The following SGCD variants were observed in gnomAD, a reference collection of about 807,000 sequenced individuals.
SGCD encodes sarcoglycan delta.
A neutral mutation model predicts 36.6 loss-of-function variants in SGCD; 18 were observed. The observed-to-expected ratio is 0.49, with a 90% CI of 0.34 to 0.73. The LOEUF (loss-of-function observed/expected upper bound fraction) is 0.73, where lower values mean the gene tolerates loss of function less well. SGCD is among the 30% of genes least tolerant of loss of function. SGCD has a pLI of 0.01. For synonymous variants in SGCD, 133 were observed against 130.6 expected, an observed-to-expected ratio of 1.02 and a Z score of -0.12; for missense variants, 387 against 346.7, an observed-to-expected ratio of 1.12 and a Z score of -0.92.
At chr5:156,303,878 A>G (rs556666310) in intron 3 of SGCD, among the ~76,000 whole-genome samples, 2 of 151,708 alleles carry the variant, frequency 1.3e-5, no homozygotes, top group South Asian at 4.2e-4. Flanking sequence ...TTTCTCCTCA[A>G]GCAGAAGGAA....
chr5:156,037,630 G>C (rs745572230), intron 1 of SGCD, among the ~76,000 whole-genome samples: 1 of 152,164 alleles, frequency 6.6e-6, no homozygotes, highest in East Asian at 1.9e-4. Context: ...TGATGGCTGT[G>C]ATTTAAATTC....
intron 3 of SGCD, among the ~76,000 whole-genome samples, chr5:156,354,112 A>G (rs1039380750): frequency 2.0e-5 from 3 of 152,258 alleles, no homozygotes; most frequent in African/African-American, 7.2e-5. Context: ...CTAGGGAAGA[A>G]AACACATGTA....
intron 3 of SGCD, among the ~76,000 whole-genome samples, chr5:156,185,931 C>T (rs1171241082): frequency 1.5e-5 from 2 of 136,156 alleles, no homozygotes; most frequent in East Asian, 2.0e-4. Flanking sequence ...CATAATTGCT[C>T]TGTTTCAGAA....
intron 6 of SGCD, among the ~76,000 whole-genome samples, chr5:156,622,030 ATT>A (rs1762270957): frequency 6.6e-6 from 1 of 152,192 alleles, no homozygotes; most frequent in African/African-American, 2.4e-5. Flanking sequence ...TGAAACCTGT[ATT>A]TTGGTTTTCT....
chr5:156,383,974 C>T (rs1162817830), intron 3 of SGCD, among the ~76,000 whole-genome samples: 1 of 152,154 alleles, frequency 6.6e-6, no homozygotes, highest in African/African-American at 2.4e-5. Flanking sequence ...AATGTCAAGT[C>T]TTCTCTCATG....
the SGCD span, among the ~76,000 whole-genome samples, chr5:155,823,141 G>T: frequency 6.6e-6 from 1 of 150,540 alleles, no homozygotes; most frequent in African/African-American, 2.5e-5. Flanking sequence ...TACCTAGCTA[G>T]CTATCTAAAA....
intron 3 of SGCD, among the ~76,000 whole-genome samples, chr5:156,406,827 C>T (rs112651634): frequency 0.13 from 10,712 of 83,852 alleles, 1,475 homozygotes; most frequent in African/African-American, 0.35. Flanking sequence ...TATACACACA[C>T]ACACACACAC....
intron 6 of SGCD, among the ~76,000 whole-genome samples, chr5:156,608,696 T>C (rs1224114768): frequency 6.6e-6 from 1 of 152,206 alleles, no homozygotes; most frequent in East Asian, 1.9e-4. Flanking sequence ...TTTGTAGGTC[T>C]CTAAGGACTT....
chr5:156,451,090 C>G (rs1280932475), intron 3 of SGCD, among the ~76,000 whole-genome samples: 2 of 151,376 alleles, frequency 1.3e-5, no homozygotes, highest in African/African-American at 4.9e-5. Flanking sequence ...CTCCCCTCCC[C>G]TCCCTTCCCT....
chr5:156,018,118 C>A (rs910829762), intron 1 of SGCD, among the ~76,000 whole-genome samples: 9 of 152,126 alleles, frequency 5.9e-5, no homozygotes, highest in Non-Finnish European at 1.3e-4. Context: ...CATAATTGCA[C>A]CACTGCAATC....
At chr5:156,120,547 T>C (rs571103247) in intron 2 of SGCD, among the ~76,000 whole-genome samples, 1 of 152,314 alleles carries the variant, frequency 6.6e-6, no homozygotes, top group Non-Finnish European at 1.5e-5. Flanking sequence ...ACAAAGTGCA[T>C]GGCAAAGATT....
intron 3 of SGCD, among the ~76,000 whole-genome samples, chr5:156,270,642 A>G (rs924835877): frequency 1.3e-5 from 2 of 152,276 alleles, no homozygotes; most frequent in South Asian, 2.1e-4. Context: ...TATGTTTTCT[A>G]TAGATAAGAC....
intron 5 of SGCD, among the ~76,000 whole-genome samples, chr5:156,590,343 A>G (rs1760678473): frequency 1.3e-5 from 2 of 152,250 alleles, no homozygotes; most frequent in East Asian, 3.9e-4. Flanking sequence ...AGAGATTCAT[A>G]GCCAGTGGGT....
At chr5:156,235,609 GA>G (rs975777048) in intron 3 of SGCD, among the ~76,000 whole-genome samples, 1 of 152,158 alleles carries the variant, frequency 6.6e-6, no homozygotes, top group African/African-American at 2.4e-5. Context: ...AATGATGGCA[GA>G]AGCTCTTTTT....
the SGCD span, among the ~76,000 whole-genome samples, chr5:155,735,580 G>T: frequency 6.6e-6 from 1 of 152,178 alleles, no homozygotes; most frequent in Non-Finnish European, 1.5e-5. Context: ...GCTGGCCCAG[G>T]ACTCTTAATG....
intron 3 of SGCD, among the ~76,000 whole-genome samples, chr5:156,209,802 A>G (rs1764388695): frequency 6.6e-6 from 1 of 152,056 alleles, no homozygotes. Flanking sequence ...TGCCAGGCCA[A>G]TCTCTGTAAA....
intron 3 of SGCD, among the ~76,000 whole-genome samples, chr5:156,444,137 T>TCC (rs1753652375): frequency 8.5e-6 from 1 of 117,984 alleles, no homozygotes; most frequent in East Asian, 2.8e-4. Flanking sequence ...TCTCTCTCTC[T>TCC]CCTTCCCTTT....
chr5:156,718,921 G>T (rs1231484031), intron 7 of SGCD, among the ~76,000 whole-genome samples: 3 of 151,174 alleles, frequency 2.0e-5, no homozygotes, highest in Non-Finnish European at 4.4e-5. Context: ...AAGGCCACAG[G>T]TCTTTTGACA....
chr5:156,757,261 T>TAAA (rs1757371523), intron 7 of SGCD, among the ~76,000 whole-genome samples: 6 of 2,254 alleles, frequency 2.7e-3, no homozygotes, highest in Non-Finnish European at 5.7e-3. Flanking sequence ...GACTTACTTT[T>TAAA]ACAAAAAAAA....
Sources: gnomAD v4.1 joint callset for allele counts (sites outside exome capture counted in the v4.1 genomes callset) on GRCh38, gnomAD v4.1.1 for gene constraint, MANE v1.5 for transcripts, NCBI Gene and HGNC (gene_info 2026-07-23, HGNC 2026-07-21) for gene names.